MAPKAPK2: variants seen among roughly 807,000 people sequenced by gnomAD.
The protein encoded by MAPKAPK2 is MAPK activated protein kinase 2.
A neutral mutation model predicts 48.8 loss-of-function variants in MAPKAPK2; 9 were observed. The ratio of observed to expected loss-of-function variants is 0.18; its 90% CI spans 0.11 to 0.32. The LOEUF is 0.32. Among genes scored for constraint, MAPKAPK2 ranks in the 10% least tolerant of loss-of-function variants. MAPKAPK2 has a pLI of 1.00. For missense variants in MAPKAPK2, 331 were observed against 498.3 expected (o/e 0.66, Z 3.20); for synonymous variants, 202 against 190.6 (o/e 1.06, Z -0.49).
At chr1:206,695,106 C>G (rs1672574310) in intron 1 of MAPKAPK2, among the ~76,000 whole-genome samples, 1 of 152,144 alleles carries the variant, frequency 6.6e-6, no homozygotes, top group African/African-American at 2.4e-5. Context: ...GCAGTGCCCC[C>G]TCTCCTGGGT....
intron 1 of MAPKAPK2, among the ~76,000 whole-genome samples, chr1:206,727,826 T>C (rs1429353862): frequency 1.3e-5 from 2 of 152,138 alleles, no homozygotes; most frequent in Non-Finnish European, 2.9e-5. Context: ...GGTTTCACCG[T>C]GTTAGCCAGG....
At chr1:206,694,534 C>G (rs782539273) in intron 1 of MAPKAPK2, among the ~76,000 whole-genome samples, 20 of 152,210 alleles carry the variant, frequency 1.3e-4, no homozygotes, top group African/African-American at 4.8e-4. Flanking sequence ...GACTGCCTTC[C>G]TTGGCTTCTG....
chr1:206,727,634 T>G (rs928233538), intron 1 of MAPKAPK2, among the ~76,000 whole-genome samples: 2 of 152,134 alleles, frequency 1.3e-5, no homozygotes, highest in African/African-American at 2.4e-5. Context: ...ATTTCTTTTT[T>G]TTTTGAGATG....
chr1:206,734,263 C>A lies in MAPKAPK2; in HGVS notation c.*1545C>A, dbSNP rs1219890069. On this transcript the variant is annotated 3_prime_UTR_variant, in exon 10 of 10. Coordinates refer to ENST00000367103, the MANE Select transcript of MAPKAPK2 (RefSeq NM_032960.4). The stretch of plus-strand genomic sequence containing the variant: ...TTTTGTATGAGCGAAATTGTCTTTA[C>A]TAAACAGATTTAATAGTTGAGAGTT... 1 of 152,878 alleles carries A rather than the reference C, an allele frequency of 6.5e-6. No homozygotes were observed. Among genetic ancestry groups the A allele is most frequent in the African/African-American group, 2.4e-5 (1 of 41,456 alleles). The allele number at this position is 152,878 out of a possible 1,614,324, so 9.5% of individuals were successfully genotyped here.
intron 1 of MAPKAPK2, among the ~76,000 whole-genome samples, chr1:206,687,220 C>T (rs1198314256): frequency 6.6e-6 from 1 of 152,238 alleles, no homozygotes; most frequent in Non-Finnish European, 1.5e-5. Context: ...AGAACAAAAG[C>T]TCCCAACTTC....
rs58152125 is a variant in MAPKAPK2 at position 206,731,299 on chromosome 1, CGT to C, written c.892+56_892+57del. The stretch of plus-strand genomic sequence containing the variant: ...GGCTTTCAGGACAAGGGGAAGAGCC[CGT>C]GTGTGTGTGTGTGTGTGTATGTGTG... On this transcript the variant is annotated intron_variant, in intron 7 of 9. Transcript: ENST00000367103. This position sits in a 1 kb window ranked among gnomAD's most constrained non-coding sequence, Gnocchi z 5.9. The C allele has an allele frequency of 0.017, 22,421 of 1,322,354 alleles. No individual in the cohort carries two copies. Among genetic ancestry groups the C allele is most frequent in the East Asian group, 0.041 (1,189 of 29,118 alleles). 81.9% of individuals were successfully genotyped at this position (1,322,354 alleles called of 1,614,324 possible). A position where few individuals can be genotyped will look rare whatever the true frequency, so the allele number is the denominator to read the frequency against.
Position 206,732,346 on chromosome 1 carries a change from C to A in MAPKAPK2, c.1060-229C>A. On this transcript the variant is annotated intron_variant, in intron 9 of 9. Coordinates refer to ENST00000367103, the MANE Select transcript of MAPKAPK2 (RefSeq NM_032960.4). This position sits in a 1 kb window ranked among gnomAD's most constrained non-coding sequence, Gnocchi z 4.4. ...TATCCTGCGGGATCACTGGGGGGCT[C>A]TCAGGGAACAGCAGCAGTGCCATAG... 3 of 1,443,940 alleles carry A rather than the reference C, an allele frequency of 2.1e-6. No homozygotes were observed. The highest frequency in any genetic ancestry group is 2.7e-6 in the Non-Finnish European group (3 of 1,102,084). The allele number at this position is 1,443,940 out of a possible 1,614,324, so 89.4% of individuals were successfully genotyped here. A position where few individuals can be genotyped will look rare whatever the true frequency, so the allele number is the denominator to read the frequency against.
chr1:206,686,186 G>C (rs1672283879), intron 1 of MAPKAPK2, among the ~76,000 whole-genome samples: 1 of 152,196 alleles, frequency 6.6e-6, no homozygotes, highest in South Asian at 2.1e-4. Context: ...GCGGCTCCGG[G>C]GAGAGGCCGG....
At chr1:206,694,440 A>G (rs1672553751) in intron 1 of MAPKAPK2, among the ~76,000 whole-genome samples, 1 of 152,214 alleles carries the variant, frequency 6.6e-6, no homozygotes, top group South Asian at 2.1e-4. Flanking sequence ...AGAGTTGGGC[A>G]TAGTTGCTAA....
intron 4 of MAPKAPK2, 65 bp downstream of exon 4, chr1:206,729,540 C>G: frequency 7.2e-7 from 1 of 1,394,920 alleles, no homozygotes; most frequent in Non-Finnish European, 1.0e-6. Flanking sequence ...TGTGGCCACC[C>G]CAGAGATGGT....
chr1:206,706,755 C>T (rs923292360), intron 1 of MAPKAPK2, among the ~76,000 whole-genome samples: 5 of 152,180 alleles, frequency 3.3e-5, no homozygotes, highest in African/African-American at 4.8e-5. Context: ...TTTTCTTGCC[C>T]GTGGGTGGGG....
Position 206,685,303 on chromosome 1 carries a change from C to A in MAPKAPK2, c.74C>A (p.Thr25Asn). 1.1e-6 allele frequency: 1 copy of A among 911,414 alleles called. No homozygotes were observed. The highest frequency in any genetic ancestry group is 1.6e-6 in the Non-Finnish European group (1 of 631,824). The allele number at this position is 911,414 out of a possible 1,614,324, so 56.5% of individuals were successfully genotyped here. A position where few individuals can be genotyped will look rare whatever the true frequency, so the allele number is the denominator to read the frequency against. Residue 25 changes from threonine to asparagine, a missense_variant, in exon 1 of 10, where the codon ACC becomes AAC. Transcript: ENST00000367103. ...PAPAPPPQPP[T>N]PALPHPPAQP... Reference sequence around the variant, plus strand: ...CCGGCCCCGCCGCCGCAGCCCCCCACCCCTGCCCTGCCGCACCCCCCGGCG... The same window carrying A: ...CCGGCCCCGCCGCCGCAGCCCCCCAACCCTGCCCTGCCGCACCCCCCGGCG...
chr1:206,699,426 T>C (rs1325686664), intron 1 of MAPKAPK2, among the ~76,000 whole-genome samples: 7 of 152,082 alleles, frequency 4.6e-5, no homozygotes, highest in African/African-American at 1.7e-4. Flanking sequence ...CAGATGAAAA[T>C]ACGTCCAGTG....
At chr1:206,694,816 A>AG (rs564070415) in intron 1 of MAPKAPK2, among the ~76,000 whole-genome samples, 16 of 152,340 alleles carry the variant, frequency 1.1e-4, no homozygotes, top group African/African-American at 3.8e-4. Context: ...CAGCCCAGCA[A>AG]GGGGTCATCC....
chr1:206,725,764 C>T (rs868986296), intron 1 of MAPKAPK2, among the ~76,000 whole-genome samples: 5 of 152,062 alleles, frequency 3.3e-5, no homozygotes, highest in African/African-American at 9.7e-5. Flanking sequence ...CTGTAGGGGG[C>T]GATCGAGGTT....
intron 1 of MAPKAPK2, among the ~76,000 whole-genome samples, chr1:206,716,713 C>T (rs1184434323): frequency 6.6e-6 from 1 of 152,094 alleles, no homozygotes; most frequent in Admixed American, 6.6e-5. Flanking sequence ...ATGGGGGCTG[C>T]TTAGGCCAGA....
chr1:206,702,817 C>T lies in MAPKAPK2; in HGVS notation c.279+17309C>T, dbSNP rs189487503. On this transcript the variant is annotated intron_variant, in intron 1 of 9. Coordinates refer to ENST00000367103, the MANE Select transcript of MAPKAPK2 (RefSeq NM_032960.4). ...TCTGCCTTGCATTTATCTGCTTCCA[C>T]ATCTTCTCTTGGATCTTACATTTGC... 9.8e-5 allele frequency among the ~76,000 whole-genome samples: 15 copies of T among 152,346 alleles called. 1 individual carries two copies. Among genetic ancestry groups the T allele is most frequent in the Admixed American group, 7.8e-4 (12 of 15,308 alleles).
chr1:206,686,052 T>C (rs1048609331), intron 1 of MAPKAPK2, among the ~76,000 whole-genome samples: 1 of 151,982 alleles, frequency 6.6e-6, no homozygotes, highest in Non-Finnish European at 1.5e-5. Context: ...CCGGGCCGCC[T>C]TGGGGCGCGC....
intron 1 of MAPKAPK2, among the ~76,000 whole-genome samples, chr1:206,687,815 G>T (rs1373419172): frequency 2.6e-5 from 4 of 152,214 alleles, no homozygotes; most frequent in Non-Finnish European, 5.9e-5. Context: ...CCTTGGGAAG[G>T]TGCCTGAGAA....
Sources: allele counts gnomAD v4.1 joint callset (sites outside exome capture counted in the v4.1 genomes callset), GRCh38; gene constraint gnomAD v4.1.1; non-coding constraint Gnocchi (gnomAD v3.1); transcripts MANE v1.5; gene names NCBI Gene and HGNC (gene_info 2026-07-23, HGNC 2026-07-21).